Variants in ZMAT4 observed in about 807,000 individuals in gnomAD.
ZMAT4 encodes zinc finger matrin-type 4.
ZMAT4 carries 17 observed loss-of-function variants against 28.7 expected under a neutral mutation model. The observed-to-expected ratio is 0.59, with a 90% CI of 0.41 to 0.89. The LOEUF is 0.89. Among genes scored for constraint, ZMAT4 ranks in the 40% least tolerant of loss-of-function variants. The pLI is 0.00. For missense variants in ZMAT4, 240 were observed against 283.8 expected, an observed-to-expected ratio of 0.85 and a Z score of 1.11; for synonymous variants, 117 against 109.2, an observed-to-expected ratio of 1.07 and a Z score of -0.44.
In ZMAT4 at chr8:40,532,072, C is replaced by A; in HGVS notation, c.*151G>T. On this transcript the variant is annotated 3_prime_UTR_variant, in exon 7 of 7. Coordinates refer to ENST00000297737, the MANE Select transcript of ZMAT4 (RefSeq NM_024645.3). ...AGAAAAAAGAAACCTCATTCATTTC[C>A]AAAAATCAAGATCAGTCGTATGTGA... 1 of 651,568 alleles carries A rather than the reference C, an allele frequency of 1.5e-6. No individual in the cohort carries two copies. Among genetic ancestry groups the A allele is most frequent in the African/African-American group, 1.9e-5 (1 of 53,000 alleles). The allele number at this position is 651,568 out of a possible 1,614,324, so 40.4% of individuals were successfully genotyped here.
intron 5 of ZMAT4, among the ~76,000 whole-genome samples, chr8:40,617,982 C>T (rs1342646663): frequency 2.0e-5 from 3 of 152,182 alleles, no homozygotes; most frequent in South Asian, 2.1e-4. Context: ...CAGCACAGAT[C>T]GGACCACTGG....
chr8:40,845,776 T>TAAAAA (rs71224858), intron 1 of ZMAT4, among the ~76,000 whole-genome samples: 104 of 129,614 alleles, frequency 8.0e-4, no homozygotes, highest in African/African-American at 3.2e-3. Flanking sequence ...ACTTAGTAGT[T>TAAAAA]AAAAAAAAAA....
intron 5 of ZMAT4, among the ~76,000 whole-genome samples, chr8:40,617,838 C>A (rs769040567): frequency 5.3e-5 from 8 of 152,196 alleles, no homozygotes; most frequent in Non-Finnish European, 8.8e-5. Flanking sequence ...AAACGGTTTA[C>A]TGAATATGCT....
At chr8:40,698,512 T>A (rs1446394590) in intron 3 of ZMAT4, among the ~76,000 whole-genome samples, 5 of 152,050 alleles carry the variant, frequency 3.3e-5, no homozygotes, top group Non-Finnish European at 5.9e-5. Flanking sequence ...CTGGAATGAG[T>A]ATATGGCCCC....
chr8:40,786,419 G>T (rs141317884), intron 2 of ZMAT4, among the ~76,000 whole-genome samples: 10 of 151,652 alleles, frequency 6.6e-5, no homozygotes, highest in Admixed American at 6.6e-4. Context: ...ATGAATTATA[G>T]AAGGTAAATA....
At chr8:40,889,426 T>C (rs1199902554) in intron 1 of ZMAT4, among the ~76,000 whole-genome samples, 1 of 152,206 alleles carries the variant, frequency 6.6e-6, no homozygotes, top group Non-Finnish European at 1.5e-5. Flanking sequence ...GTGGTTGGAA[T>C]GACTGATTTA....
At chr8:40,735,366 A>G (rs1811718504) in intron 3 of ZMAT4, among the ~76,000 whole-genome samples, 1 of 152,204 alleles carries the variant, frequency 6.6e-6, no homozygotes, top group South Asian at 2.1e-4. Context: ...TTCTCTTTAT[A>G]GGACAAGACA....
intron 4 of ZMAT4, among the ~76,000 whole-genome samples, chr8:40,689,247 T>G (rs72639679): frequency 0.071 from 10,855 of 152,072 alleles, 417 homozygotes; most frequent in Non-Finnish European, 0.089. Context: ...GCATCCTGGG[T>G]GAGATCATCA....
intron 1 of ZMAT4, among the ~76,000 whole-genome samples, chr8:40,840,128 A>T (rs1056215557): frequency 6.6e-6 from 1 of 152,150 alleles, no homozygotes; most frequent in Non-Finnish European, 1.5e-5. Context: ...TCAAGGAAGA[A>T]ATGCTTGCCT....
At chr8:40,641,264 C>T (rs1371943863) in intron 5 of ZMAT4, among the ~76,000 whole-genome samples, 1 of 152,146 alleles carries the variant, frequency 6.6e-6, no homozygotes, top group Non-Finnish European at 1.5e-5. Flanking sequence ...AAAATTACCG[C>T]TAAAAGCCTT....
chr8:40,587,324 A>G (rs965374649), intron 5 of ZMAT4, among the ~76,000 whole-genome samples: 28 of 150,946 alleles, frequency 1.9e-4, no homozygotes, highest in Admixed American at 1.5e-3. Context: ...GACTATGGGG[A>G]AAAAAAAGAA....
At chr8:40,825,831 G>A (rs957149971) in intron 1 of ZMAT4, among the ~76,000 whole-genome samples, 151 bp from the exon 2 acceptor site, 2 of 152,204 alleles carry the variant, frequency 1.3e-5, no homozygotes, top group Non-Finnish European at 2.9e-5. Context: ...TTATCATATC[G>A]ATTAACCATA....
intron 6 of ZMAT4, among the ~76,000 whole-genome samples, chr8:40,541,308 C>A (rs1336635554): frequency 6.6e-6 from 1 of 151,970 alleles, no homozygotes; most frequent in East Asian, 1.9e-4. Context: ...CTGGTTTTAC[C>A]TGTTCAAGGG....
intron 5 of ZMAT4, among the ~76,000 whole-genome samples, chr8:40,585,420 G>A (rs1476016785): frequency 1.3e-5 from 2 of 151,972 alleles, no homozygotes; most frequent in African/African-American, 2.4e-5. Context: ...GCAAAACTTC[G>A]GGAGATTCTG....
intron 5 of ZMAT4, among the ~76,000 whole-genome samples, chr8:40,647,510 C>T (rs1381323652): frequency 1.3e-5 from 2 of 152,184 alleles, no homozygotes; most frequent in East Asian, 3.9e-4. Context: ...GGGGCGCCCA[C>T]CATTGCCCAG....
intron 3 of ZMAT4, among the ~76,000 whole-genome samples, chr8:40,728,243 C>A (rs1811388612): frequency 6.6e-6 from 1 of 152,122 alleles, no homozygotes; most frequent in Non-Finnish European, 1.5e-5. Context: ...CTCACATTTC[C>A]TCATAAATAT....
rs747536864 is a variant in ZMAT4 at position 40,618,880 on chromosome 8, C to G, written c.578-37619G>C. 4.1e-4 allele frequency among the ~76,000 whole-genome samples: 62 copies of G among 152,166 alleles called. 1 individual carries two copies. The highest frequency in any genetic ancestry group is 1.4e-3 in the Admixed American group (22 of 15,276). ...AGGAATCGAGTGCAAAAACTTTCTT[C>G]TAGAAGCAATTCCAGGAAACACTAA... is the stretch of plus-strand genomic sequence containing the variant. On this transcript the variant is annotated intron_variant, in intron 5 of 6. Coordinates refer to ENST00000297737, the MANE Select transcript of ZMAT4 (RefSeq NM_024645.3).
chr8:40,643,824 G>GA lies in ZMAT4; in HGVS notation c.577+30879dup, dbSNP rs373494242. 4.9e-4 allele frequency among the ~76,000 whole-genome samples: 72 copies of GA among 147,596 alleles called. 1 individual carries two copies. The South Asian group carries it at 0.012, about 25-fold the overall frequency. On this transcript the variant is annotated intron_variant, in intron 5 of 6. Coordinates refer to ENST00000297737, the MANE Select transcript of ZMAT4 (RefSeq NM_024645.3). ...AAAAGGAGTAAGGTCAGTGTTCCAGGAAAAAAAAACTATGCAAAGGCTCAT... is the reference window on the plus strand; with the variant it reads ...AAAAGGAGTAAGGTCAGTGTTCCAGGAAAAAAAAAACTATGCAAAGGCTCAT...
At chr8:40,856,496 T>C (rs1295931321) in intron 1 of ZMAT4, among the ~76,000 whole-genome samples, 1 of 152,164 alleles carries the variant, frequency 6.6e-6, no homozygotes, top group East Asian at 1.9e-4. Context: ...ATGGAGCTAA[T>C]GTGAGAAAAG....
Sources: allele counts gnomAD v4.1 joint callset (sites outside exome capture counted in the v4.1 genomes callset), GRCh38; gene constraint gnomAD v4.1.1; transcripts MANE v1.5; gene names NCBI Gene and HGNC (gene_info 2026-07-23, HGNC 2026-07-21).